Variants in TMEM132B observed in about 807,000 individuals in gnomAD.
The protein encoded by TMEM132B is transmembrane protein 132B.
In TMEM132B, 18 loss-of-function variants were observed where a neutral mutation model predicts 90.8. The ratio of observed to expected loss-of-function variants is 0.20; its 90% CI spans 0.14 to 0.29. The LOEUF (loss-of-function observed/expected upper bound fraction) is 0.29, where lower values mean the gene tolerates loss of function less well. Ranked by LOEUF, TMEM132B falls within the 10% of genes least tolerant of loss-of-function variation. TMEM132B has a pLI of 1.00. For missense variants in TMEM132B, 1,096 were observed against 1,326.8 expected, an observed-to-expected ratio of 0.83 and a Z score of 2.70; for synonymous variants, 504 against 523.3, an observed-to-expected ratio of 0.96 and a Z score of 0.50.
chr12:125,352,512 A>G (rs1877622493), intron 2 of TMEM132B, among the ~76,000 whole-genome samples: 1 of 152,198 alleles, frequency 6.6e-6, no homozygotes, highest in Non-Finnish European at 1.5e-5. Context: ...TCGTCTCTGG[A>G]CCTTAGTTTC....
intron 1 of TMEM132B, among the ~76,000 whole-genome samples, chr12:125,281,358 G>A (rs1875164554): frequency 6.6e-6 from 1 of 152,272 alleles, no homozygotes; most frequent in Middle Eastern, 3.4e-3. Flanking sequence ...ATGTTGAAAT[G>A]TTTCCCCACA....
intron 3 of TMEM132B, among the ~76,000 whole-genome samples, chr12:125,461,649 T>A (rs1881438691): frequency 6.6e-6 from 1 of 152,232 alleles, no homozygotes. Flanking sequence ...ACATCTTCAT[T>A]CCAGTTTGCA....
At chr12:125,580,966 A>G (rs943115132) in intron 4 of TMEM132B, among the ~76,000 whole-genome samples, 1 of 152,152 alleles carries the variant, frequency 6.6e-6, no homozygotes, top group Non-Finnish European at 1.5e-5. Flanking sequence ...TTGCTTTCTC[A>G]TTGTGCTAGG....
intron 3 of TMEM132B, among the ~76,000 whole-genome samples, chr12:125,510,359 A>G: frequency 6.6e-6 from 1 of 152,230 alleles, no homozygotes; most frequent in East Asian, 1.9e-4. Context: ...TACACATTTT[A>G]AAAACAGAAA....
At chr12:125,440,603 G>A (rs922035948) in intron 3 of TMEM132B, among the ~76,000 whole-genome samples, 28 of 152,124 alleles carry the variant, frequency 1.8e-4, no homozygotes, top group African/African-American at 6.0e-4. Context: ...AAGCAAAGAA[G>A]TCTTTGCTTC....
At chr12:125,362,206 T>C (rs1877979998) in intron 2 of TMEM132B, among the ~76,000 whole-genome samples, 1 of 152,184 alleles carries the variant, frequency 6.6e-6, no homozygotes. Context: ...AGACCCTCCT[T>C]TCCTTCTCCT....
At chr12:125,332,435 T>TC (rs1876805072) in intron 1 of TMEM132B, among the ~76,000 whole-genome samples, 1 of 152,158 alleles carries the variant, frequency 6.6e-6, no homozygotes, top group Non-Finnish European at 1.5e-5. Context: ...AATTTTTTTT[T>TC]CCCACAGACT....
chr12:125,383,026 T>C (rs1309303747), intron 2 of TMEM132B, among the ~76,000 whole-genome samples: 2 of 152,218 alleles, frequency 1.3e-5, no homozygotes, highest in East Asian at 3.8e-4. Context: ...TATGTTTTCT[T>C]TTCTTTCATC....
chr12:125,432,554 G>GAGAT lies in TMEM132B; in HGVS notation c.1106+16880_1106+16881insTAGA, dbSNP rs1555248892. On this transcript the variant is annotated intron_variant, in intron 3 of 8. Coordinates refer to ENST00000682704, the MANE Select transcript of TMEM132B (RefSeq NM_001366854.1). ...AGAGAGAGAGAGAGAGAGAGAGAGA[G>GAGAT]AGAGAGAGAGAGAAAGAGAGTGTTA... 3.6e-4 allele frequency among the ~76,000 whole-genome samples: 26 copies of GAGAT among 72,776 alleles called. 5 individuals are homozygous for GAGAT. The highest frequency in any genetic ancestry group is 0.013 in the Middle Eastern group (2 of 154). The allele number at this position is 72,776 out of a possible 152,430, so 47.7% of individuals were successfully genotyped here. A position where few individuals can be genotyped will look rare whatever the true frequency, so the allele number is the denominator to read the frequency against.
At position 125,186,487 on chromosome 12, in the gene TMEM132B, G is replaced by A. The variant is rs1957760897; in HGVS notation, c.-313G>A. 2.1e-5 allele frequency among the ~76,000 whole-genome samples: 3 copies of A among 146,236 alleles called. No homozygotes were observed. The South Asian group carries it at 6.2e-4, about 30-fold the overall frequency. ...ATGGGACGGGCGCTGGGGCGCAGGA[G>A]CCGCGGCGGCGGCGGCGGCGGGGGC... On this transcript the variant is annotated 5_prime_UTR_variant, in exon 1 of 9. Coordinates refer to ENST00000682704, the MANE Select transcript of TMEM132B (RefSeq NM_001366854.1). The surrounding 1 kb of genome is among the most constrained non-coding windows in gnomAD (Gnocchi z 6.3).
chr12:125,429,987 T>A (rs151085486), intron 3 of TMEM132B, among the ~76,000 whole-genome samples: 25 of 152,330 alleles, frequency 1.6e-4, no homozygotes, highest in African/African-American at 5.5e-4. Flanking sequence ...GTATTTGGAA[T>A]TCTTCTTGCA....
intron 5 of TMEM132B, among the ~76,000 whole-genome samples, chr12:125,593,958 T>G (rs945424262): frequency 6.6e-6 from 1 of 152,182 alleles, no homozygotes; most frequent in East Asian, 1.9e-4. Flanking sequence ...TTTGATTAGT[T>G]TTGACGATTT....
intron 5 of TMEM132B, among the ~76,000 whole-genome samples, chr12:125,616,939 C>T (rs1886002455): frequency 6.6e-6 from 1 of 152,164 alleles, no homozygotes; most frequent in South Asian, 2.1e-4. Flanking sequence ...AAGCTGCTGT[C>T]TACAAGCCAG....
chr12:125,197,731 T>C (rs1157792790), intron 1 of TMEM132B, among the ~76,000 whole-genome samples: 1 of 152,204 alleles, frequency 6.6e-6, no homozygotes, highest in East Asian at 1.9e-4. Flanking sequence ...TGTATGTTTA[T>C]AGGACACTGA....
At chr12:125,508,965 G>T (rs1331551287) in intron 3 of TMEM132B, among the ~76,000 whole-genome samples, 1 of 151,700 alleles carries the variant, frequency 6.6e-6, no homozygotes, top group Non-Finnish European at 1.5e-5. Flanking sequence ...TGTAGTTTTG[G>T]TAGAGACGGG....
intron 1 of TMEM132B, among the ~76,000 whole-genome samples, chr12:125,188,431 C>T (rs1957772537): frequency 2.0e-5 from 3 of 152,276 alleles, no homozygotes; most frequent in South Asian, 4.1e-4. Flanking sequence ...TGTTTCTCCA[C>T]GGGGGTCAGC....
At chr12:125,374,473 T>C (rs1243034752) in intron 2 of TMEM132B, among the ~76,000 whole-genome samples, 1 of 152,098 alleles carries the variant, frequency 6.6e-6, no homozygotes, top group Non-Finnish European at 1.5e-5. Context: ...AGAAAGTGGC[T>C]GATTTTAACT....
intron 3 of TMEM132B, among the ~76,000 whole-genome samples, chr12:125,457,515 C>A (rs1881325930): frequency 1.3e-5 from 2 of 152,204 alleles, no homozygotes; most frequent in Admixed American, 1.3e-4. Flanking sequence ...GGGACCCTTG[C>A]AGGGGCCTCT....
rs572702884 is a variant in TMEM132B at position 125,343,535 on chromosome 12, G to A, written c.68-5917G>A. 2.0e-5 allele frequency among the ~76,000 whole-genome samples: 3 copies of A among 152,336 alleles called. No individual in the cohort carries two copies. The East Asian group carries it at 5.8e-4, about 29-fold the overall frequency. On this transcript the variant is annotated intron_variant, in intron 1 of 8. Transcript: ENST00000682704. ...AACTGCCAGGCCAGGTAGGCCCTCA[G>A]GTAATATGAGAAAGTGGAAAGCCTT...
Sources: gnomAD v4.1 joint callset for allele counts (sites outside exome capture counted in the v4.1 genomes callset) on GRCh38, gnomAD v4.1.1 for gene constraint, Gnocchi (gnomAD v3.1) non-coding constraint, MANE v1.5 for transcripts, NCBI Gene and HGNC (gene_info 2026-07-23, HGNC 2026-07-21) for gene names.